The following UNC13A variants were observed in gnomAD, a reference collection of about 807,000 sequenced individuals.
UNC13A encodes protein unc-13 homolog A.
In UNC13A, 61 loss-of-function variants were observed where a neutral mutation model predicts 219.7. The ratio of observed to expected loss-of-function variants is 0.28; its 90% confidence interval spans 0.23 to 0.34. The LOEUF (loss-of-function observed/expected upper bound fraction) is 0.34. Among genes scored for constraint, UNC13A ranks in the 10% least tolerant of loss-of-function variants. UNC13A has a pLI of 1.00. For missense variants in UNC13A, 1,476 were observed against 2,270.3 expected, an observed-to-expected ratio of 0.65 and a Z score of 7.11; for synonymous variants, 920 against 884.6, an observed-to-expected ratio of 1.04 and a Z score of -0.71.
At chr19:17,608,392 ATATT>A (rs1322828055) in intron 43 of UNC13A, among the ~76,000 whole-genome samples, 5 of 135,276 alleles carry the variant, frequency 3.7e-5, no homozygotes, top group African/African-American at 8.4e-5. Context: ...AAATATATAT[ATATT>A]TATATATAAT....
At chr19:17,618,263 A>C (rs1266203499) in intron 40 of UNC13A, among the ~76,000 whole-genome samples, 158 bp downstream of exon 40, 1 of 152,250 alleles carries the variant, frequency 6.6e-6, no homozygotes, top group South Asian at 2.1e-4. Flanking sequence ...TTAAGGCTCC[A>C]GCATTAGCCA....
rs1467272612 is a variant in UNC13A, at chr19:17,635,986, G to T, written c.3215+38C>A. The T allele has an allele frequency of 1.9e-6, 3 of 1,584,762 alleles. No homozygotes were observed. The South Asian group carries it at 3.4e-5, about 18-fold the overall frequency. On this transcript the variant is annotated intron_variant, in intron 26 of 43. Transcript: ENST00000519716. ...ACAAAGTTGTATACATACACACGAT[G>T]ACACCCAGATAATTAACTACACAGA...
chr19:17,643,218 G>T (rs922067629), intron 19 of UNC13A, among the ~76,000 whole-genome samples: 4 of 152,068 alleles, frequency 2.6e-5, no homozygotes, highest in African/African-American at 9.7e-5. Flanking sequence ...CACCATGTTG[G>T]CCAGGCTGGT....
chr19:17,628,166 A>C, intron 31 of UNC13A: 1 of 500,562 alleles, frequency 2.0e-6, no homozygotes, highest in Admixed American at 3.6e-5. Flanking sequence ...GACTCAAGTA[A>C]TCCCACGACC....
intron 35 of UNC13A, 38 bp downstream of exon 35, chr19:17,624,791 T>C: frequency 6.3e-7 from 1 of 1,587,176 alleles, no homozygotes; most frequent in Non-Finnish European, 8.6e-7. Context: ...GCCAGGGAGG[T>C]GGCCTAAATG....
intron 40 of UNC13A, among the ~76,000 whole-genome samples, 174 bp from the exon 41 acceptor site, chr19:17,618,023 C>T (rs1416032660): frequency 6.6e-6 from 1 of 152,184 alleles, no homozygotes; most frequent in Admixed American, 6.5e-5. Context: ...TCTCACATGC[C>T]GTCTTCCAGG....
chr19:17,625,648 T>C (rs1327769881), intron 34 of UNC13A, among the ~76,000 whole-genome samples: 1 of 152,176 alleles, frequency 6.6e-6, no homozygotes, highest in Non-Finnish European at 1.5e-5. Flanking sequence ...CATCCATCTA[T>C]GCATCAAAAC....
chr19:17,638,358 C>G (rs988306582), intron 25 of UNC13A, among the ~76,000 whole-genome samples: 6 of 151,980 alleles, frequency 3.9e-5, no homozygotes, highest in Non-Finnish European at 7.4e-5. Context: ...GTCCCAGCTA[C>G]TTGGGAGGCT....
At chr19:17,681,717 GGCTGA>G (rs1259600231) in intron 1 of UNC13A, among the ~76,000 whole-genome samples, 1 of 152,176 alleles carries the variant, frequency 6.6e-6, no homozygotes, top group Non-Finnish European at 1.5e-5. Flanking sequence ...AATCCTGGGA[GGCTGA>G]GCTAAGAGCT....
Position 17,636,043 on chromosome 19 carries a change from A to G in UNC13A, c.3196T>C (p.Tyr1066His). 2.5e-6 allele frequency: 4 copies of G among 1,612,484 alleles called. No individual in the cohort carries two copies. Among genetic ancestry groups the G allele is most frequent in the Non-Finnish European group, 3.4e-6 (4 of 1,178,902 alleles). ...VSIIEEDKNS[Y>H]TPCLNQFPQE... ...ACTCACTGGTTGAGGCAGGGAGTGTAGGAATTCTTGTCTTCCTCAATGATG... is the reference window on the plus strand; with the variant it reads ...ACTCACTGGTTGAGGCAGGGAGTGTGGGAATTCTTGTCTTCCTCAATGATG... Residue 1066 changes from tyrosine (Y) to histidine (H), a missense_variant, in exon 26 of 44, where the codon TAC becomes CAC. By Grantham distance (83) the Tyr-to-His change is moderately conservative (BLOSUM62 2). Around this residue, in one of 14 missense-constraint regions of UNC13A, gnomAD observed 218 missense variants for 409.4 expected, o/e 0.53. Transcript: ENST00000519716.
intron 17 of UNC13A, among the ~76,000 whole-genome samples, chr19:17,646,518 T>C (rs1189980538): frequency 2.6e-5 from 4 of 152,036 alleles, no homozygotes; most frequent in South Asian, 4.1e-4. Context: ...AGCCTCAGCC[T>C]CCCAAAGTGC....
intron 1 of UNC13A, among the ~76,000 whole-genome samples, chr19:17,685,206 T>C (rs2080085932): frequency 6.6e-6 from 1 of 151,936 alleles, no homozygotes; most frequent in Admixed American, 6.6e-5. Context: ...AATCTTTTTT[T>C]TTGAGACAGA....
intron 41 of UNC13A, among the ~76,000 whole-genome samples, chr19:17,614,671 TGAGGGTTGGG>T (rs2076642839): frequency 6.6e-6 from 1 of 152,070 alleles, no homozygotes; most frequent in South Asian, 2.1e-4. Context: ...AGGAAGTGAC[TGAGGGTTGGG>T]GAGCACAGGG....
chr19:17,637,044 A>G (rs1337142288), intron 25 of UNC13A, among the ~76,000 whole-genome samples: 1 of 148,210 alleles, frequency 6.7e-6, no homozygotes, highest in African/African-American at 2.5e-5. Flanking sequence ...TGGTGCAATC[A>G]TGGCTCACCA....
chr19:17,651,817 TG>T (rs1223806526), intron 12 of UNC13A, among the ~76,000 whole-genome samples: 6 of 152,168 alleles, frequency 3.9e-5, no homozygotes, highest in African/African-American at 1.4e-4. Flanking sequence ...TCTCCCTGCC[TG>T]TTTGCCAAGG....
intron 38 of UNC13A, among the ~76,000 whole-genome samples, chr19:17,619,250 C>T (rs1045846999): frequency 6.6e-5 from 10 of 151,984 alleles, no homozygotes; most frequent in African/African-American, 2.2e-4. Flanking sequence ...GTTGGGGGAG[C>T]CTCAGACGGT....
intron 29 of UNC13A, 80 bp downstream of exon 29, chr19:17,630,574 C>T: frequency 1.4e-6 from 2 of 1,458,254 alleles, no homozygotes; most frequent in African/African-American, 1.4e-5. Context: ...CAGAGACTGG[C>T]CTCATCTCAA....
At chr19:17,658,030 C>A (rs1307618193) in intron 9 of UNC13A, 32 bp downstream of exon 9, 17 of 1,602,878 alleles carry the variant, frequency 1.1e-5, no homozygotes, top group Non-Finnish European at 1.4e-5. Context: ...CACAGCAGGA[C>A]CCACATGCAT....
At position 17,656,201 on chromosome 19, in the gene UNC13A, T is replaced by C; in HGVS notation, c.965A>G (p.Glu322Gly). Reference sequence around the variant, plus strand: ...GTCCTCCAGGTCCTCCTCCAGCTCTTCCTCATCCTGGTCCCAGCGAGGCGA... The same window carrying C: ...GTCCTCCAGGTCCTCCTCCAGCTCTCCCTCATCCTGGTCCCAGCGAGGCGA... ...KDSPRWDQDE[E>G]ELEEDLEDFL... Residue 322 changes from glutamate to glycine, a missense_variant, in exon 10 of 44, where the codon GAA becomes GGA. Coordinates refer to ENST00000519716, the MANE Select transcript of UNC13A (RefSeq NM_001080421.3). 1 of 1,552,228 alleles carries C rather than the reference T, an allele frequency of 6.4e-7. No individual in the cohort carries two copies. The highest frequency in any genetic ancestry group is 1.2e-5 in the South Asian group (1 of 84,056).
Sources: gnomAD v4.1 joint callset for allele counts (sites outside exome capture counted in the v4.1 genomes callset) on GRCh38, gnomAD v4.1.1 for gene constraint, gnomAD v4.1.1 regional missense constraint, MANE v1.5 for transcripts, NCBI Gene and HGNC (gene_info 2026-07-23, HGNC 2026-07-21) for gene names.